Variants in DIS3L2 observed in about 807,000 individuals in gnomAD.
DIS3L2 encodes DIS3 like 3'-5' exoribonuclease 2.
In DIS3L2, 34 loss-of-function variants were observed where a neutral mutation model predicts 97.5. The ratio of observed to expected loss-of-function variants is 0.35; its 90% CI spans 0.27 to 0.46. The LOEUF is 0.46. Ranked by LOEUF, DIS3L2 falls within the 20% of genes least tolerant of loss-of-function variation. The pLI is 1.00. For synonymous variants in DIS3L2, 435 were observed against 445.2 expected (o/e 0.98, Z 0.29); for missense variants, 1,038 against 1,146.0 (o/e 0.91, Z 1.36).
At chr2:232,078,935 C>T (rs991813867) in intron 5 of DIS3L2, among the ~76,000 whole-genome samples, 1 of 152,138 alleles carries the variant, frequency 6.6e-6, no homozygotes, top group Non-Finnish European at 1.5e-5. Context: ...AAAATTCATG[C>T]TTTTTGGAGT....
intron 6 of DIS3L2, among the ~76,000 whole-genome samples, chr2:232,094,220 T>C (rs1403692973): frequency 3.9e-5 from 6 of 152,212 alleles, no homozygotes; most frequent in African/African-American, 1.4e-4. Context: ...GTTTTAAGGC[T>C]TGTTTTGTGA....
At chr2:232,012,269 A>G (rs933405238) in intron 1 of DIS3L2, among the ~76,000 whole-genome samples, 2 of 152,108 alleles carry the variant, frequency 1.3e-5, no homozygotes, top group African/African-American at 4.8e-5. Context: ...TTACAATGAC[A>G]AACCCAATCA....
intron 5 of DIS3L2, among the ~76,000 whole-genome samples, chr2:232,075,471 G>C (rs1373506101): frequency 6.6e-6 from 1 of 152,070 alleles, no homozygotes; most frequent in Non-Finnish European, 1.5e-5. Flanking sequence ...TCTTCCCCAA[G>C]GGCTTTATCC....
At chr2:232,315,391 G>T (rs1695244018) in intron 14 of DIS3L2, among the ~76,000 whole-genome samples, 1 of 152,218 alleles carries the variant, frequency 6.6e-6, no homozygotes, top group Non-Finnish European at 1.5e-5. Flanking sequence ...CAGGTCATAG[G>T]ACTGCATGTT....
At chr2:232,234,187 G>A (rs1056575409) in intron 10 of DIS3L2, among the ~76,000 whole-genome samples, 1 of 152,152 alleles carries the variant, frequency 6.6e-6, no homozygotes, top group African/African-American at 2.4e-5. Context: ...TCACTTTTTA[G>A]CCAAGTAACT....
At chr2:232,324,741 C>T (rs193218091) in intron 14 of DIS3L2, among the ~76,000 whole-genome samples, 2 of 152,318 alleles carry the variant, frequency 1.3e-5, no homozygotes, top group Admixed American at 1.3e-4. Flanking sequence ...CCAGGCCAGT[C>T]ACATCATAAG....
exon 14 of DIS3L2, chr2:232,343,463 A>G: frequency 1.3e-6 from 2 of 1,555,954 alleles, no homozygotes; most frequent in Middle Eastern, 1.7e-4. Flanking sequence ...GGCATATGTG[A>G]CAGGGATCCA....
chr2:232,336,900 T>C lies in DIS3L2; in HGVS notation c.*270T>C. ...GCTGGCCCCCCTTTTTTCTGGGCCC[T>C]ACTGCCCTCCTCTGCCCAGGAAATG... On this transcript the variant is annotated 3_prime_UTR_variant, in exon 21 of 21. Coordinates refer to ENST00000325385, the MANE Select transcript of DIS3L2 (RefSeq NM_152383.5). 3 of 1,273,424 alleles carry C rather than the reference T, an allele frequency of 2.4e-6. No homozygotes were observed. Among genetic ancestry groups the C allele is most frequent in the Non-Finnish European group, 3.0e-6 (3 of 1,005,238 alleles). The allele number at this position is 1,273,424 out of a possible 1,614,324, so 78.9% of individuals were successfully genotyped here. A position where few individuals can be genotyped will look rare whatever the true frequency, so the allele number is the denominator to read the frequency against.
At chr2:232,133,646 T>G (rs1698278377) in intron 7 of DIS3L2, among the ~76,000 whole-genome samples, 1 of 152,132 alleles carries the variant, frequency 6.6e-6, no homozygotes, top group Non-Finnish European at 1.5e-5. Context: ...ATTAAAAACT[T>G]TCTTGAAACC....
At chr2:232,219,626 A>T (rs778649727) in intron 10 of DIS3L2, among the ~76,000 whole-genome samples, 1 of 152,016 alleles carries the variant, frequency 6.6e-6, no homozygotes, top group Admixed American at 6.6e-5. Flanking sequence ...GGTTTATCTT[A>T]TGTTCATGCT....
chr2:232,233,367 G>C (rs1039409311), intron 10 of DIS3L2, among the ~76,000 whole-genome samples: 1 of 152,196 alleles, frequency 6.6e-6, no homozygotes, highest in Non-Finnish European at 1.5e-5. Context: ...GAAAGAATGA[G>C]AGAGCTGTCT....
chr2:232,095,225 C>G lies in DIS3L2; in HGVS notation c.601+7504C>G, dbSNP rs193085113. Among the ~76,000 whole-genome samples the G allele has an allele frequency of 5.9e-5, 9 of 152,222 alleles. No individual in the cohort carries two copies. In the East Asian group the frequency reaches 1.7e-3, roughly 29 times the overall value. On this transcript the variant is annotated intron_variant, in intron 6 of 20. Coordinates refer to ENST00000325385, the MANE Select transcript of DIS3L2 (RefSeq NM_152383.5). ...TGTTTTTTGGTTGTTTTGTGGTCTT[C>G]TCTTCTTTCCATCTTCCTGTCTTCC...
chr2:232,163,651 T>G lies in DIS3L2; in HGVS notation c.1124+19T>G, dbSNP rs758184418. The G allele has an allele frequency of 6.2e-6, 10 of 1,609,234 alleles. No homozygotes were observed. The highest frequency in any genetic ancestry group is 1.7e-5 in the Admixed American group (1 of 59,582). On this transcript the variant is annotated intron_variant, in intron 9 of 20. Coordinates refer to ENST00000325385, the MANE Select transcript of DIS3L2 (RefSeq NM_152383.5). Reference sequence around the variant, plus strand: ...ATTTAAGGTAAGCACCTGAAACCCTTTAAGAACGTATATCTCCCTTTCTGC... The same window carrying G: ...ATTTAAGGTAAGCACCTGAAACCCTGTAAGAACGTATATCTCCCTTTCTGC...
At chr2:232,283,303 C>A (rs1694345941) in intron 13 of DIS3L2, among the ~76,000 whole-genome samples, 1 of 152,188 alleles carries the variant, frequency 6.6e-6, no homozygotes, top group African/African-American at 2.4e-5. Context: ...GCTCTGCTGC[C>A]CGGGCTGGAG....
chr2:232,156,852 T>G (rs1248157319), intron 8 of DIS3L2, among the ~76,000 whole-genome samples: 1 of 152,170 alleles, frequency 6.6e-6, no homozygotes, highest in Non-Finnish European at 1.5e-5. Context: ...TATATCTCAT[T>G]TTTATACTTC....
At chr2:231,985,870 G>A (rs7559981) in intron 1 of DIS3L2, among the ~76,000 whole-genome samples, 2 of 152,198 alleles carry the variant, frequency 1.3e-5, no homozygotes, top group East Asian at 1.9e-4. Context: ...GTCTGTGAGA[G>A]TGTTGCCAGA....
At chr2:232,304,542 G>GTGGA (rs2106325335) in intron 14 of DIS3L2, among the ~76,000 whole-genome samples, 1 of 152,340 alleles carries the variant, frequency 6.6e-6, no homozygotes, top group South Asian at 2.1e-4. Context: ...GAGTTACTGT[G>GTGGA]TGGATGGTGG....
In DIS3L2 at chr2:232,313,936, G is replaced by A. The variant is rs186514552; in HGVS notation, c.1739+13817G>A. On this transcript the variant is annotated intron_variant, in intron 14 of 20. Coordinates refer to ENST00000325385, the MANE Select transcript of DIS3L2 (RefSeq NM_152383.5). ...AGACCCATTCACTATCATGAGAACA[G>A]CATGAGAAAGACCTGCCCCCGTGAT... Among the ~76,000 whole-genome samples the A allele has an allele frequency of 2.0e-5, 3 of 152,322 alleles. No homozygotes were observed. The East Asian group carries it at 5.8e-4, about 29-fold the overall frequency.
rs954655897 is a variant in DIS3L2 at position 232,263,390 on chromosome 2, A to G, written c.1609A>G (p.Lys537Glu). 3.7e-6 allele frequency: 6 copies of G among 1,614,082 alleles called. No individual in the cohort carries two copies. The highest frequency in any genetic ancestry group is 5.1e-6 in the Non-Finnish European group (6 of 1,180,042). ...QAVLNLHGIAKQLRQQRFVDG... is the reference protein window; with the variant it reads ...QAVLNLHGIAEQLRQQRFVDG... ...CGTCTTGAATCTCCACGGAATTGCC[A>G]AGCAGTTACGCCAGCAGCGCTTTGT... Residue 537 changes from lysine to glutamate, a missense_variant, in exon 13 of 21, where the codon AAG (lysine) becomes GAG (glutamate). Lys to Glu is a moderately conservative substitution (Grantham distance 56). This residue lies in a region of DIS3L2 where 813 missense variants were observed against 880.1 expected (regional missense o/e 0.92). Transcript: ENST00000325385.
Sources: allele counts gnomAD v4.1 joint callset (sites outside exome capture counted in the v4.1 genomes callset), GRCh38; gene constraint gnomAD v4.1.1; regional missense constraint gnomAD v4.1.1; transcripts MANE v1.5; gene names NCBI Gene and HGNC (gene_info 2026-07-23, HGNC 2026-07-21).